Variants in MMP26 observed in about 807,000 individuals in gnomAD.
The protein encoded by MMP26 is matrix metalloproteinase-26.
MMP26 carries 33 observed loss-of-function variants against 31.0 expected under a neutral mutation model. That is an observed-to-expected ratio of 1.06 (90% CI 0.81 to 1.42). The LOEUF (loss-of-function observed/expected upper bound fraction) is 1.42. Among genes scored for constraint, MMP26 ranks in the 40% most tolerant of loss-of-function variants. The pLI, the probability that MMP26 is intolerant of heterozygous loss-of-function variation, is 0.00. For synonymous variants in MMP26, 122 were observed against 114.9 expected (o/e 1.06, Z -0.40); for missense variants, 347 against 316.1 (o/e 1.10, Z -0.74).
chr11:4,923,634 G>A (rs147041921), intron 2 of MMP26: 67 of 1,613,870 alleles, frequency 4.2e-5, no homozygotes, highest in Admixed American at 1.3e-4. Flanking sequence ...GCTCGGAGTC[G>A]CTCCTGGTGG....
At chr11:4,813,509 G>A (rs1238130302) in intron 2 of MMP26, among the ~76,000 whole-genome samples, 1 of 151,976 alleles carries the variant, frequency 6.6e-6, no homozygotes, top group Non-Finnish European at 1.5e-5. Flanking sequence ...TTACAGGCAG[G>A]AGCCACCACA....
chr11:4,859,818 G>A (rs1228330080), intron 2 of MMP26: 1 of 471,330 alleles, frequency 2.1e-6, no homozygotes, highest in African/African-American at 2.0e-5. Flanking sequence ...AGAGGAGCAC[G>A]GTAGACATGT....
chr11:4,870,083 G>A (rs2133525039), intron 2 of MMP26, among the ~76,000 whole-genome samples: 1 of 152,208 alleles, frequency 6.6e-6, no homozygotes, highest in African/African-American at 2.4e-5. Flanking sequence ...GGGATGGGGG[G>A]ATTGGGGAGG....
chr11:4,789,436 T>A lies in MMP26; in HGVS notation c.-145+22095T>A, dbSNP rs1589901088. ...TAGCAGGTTCCTGACTATATTCCCA[T>A]TTTTTTTTGACAGGAATAGAGCTAC... is the stretch of plus-strand genomic sequence containing the variant. On this transcript the variant is annotated intron_variant, in intron 2 of 7. Transcript: ENST00000380390. Among the ~76,000 whole-genome samples, 3 of 123,096 alleles carry A rather than the reference T, an allele frequency of 2.4e-5. No homozygotes were observed. In the South Asian group the frequency reaches 6.6e-4, roughly 27 times the overall value. The allele number at this position is 123,096 out of a possible 152,430, so 80.8% of individuals were successfully genotyped here.
intron 2 of MMP26, chr11:4,821,646 G>T (rs760034369): frequency 3.7e-6 from 6 of 1,613,880 alleles, no homozygotes; most frequent in Admixed American, 1.7e-5. Flanking sequence ...ACCTGAGCTT[G>T]TCCCTGTGTA....
At chr11:4,799,335 C>G (rs1849150431) in intron 2 of MMP26, among the ~76,000 whole-genome samples, 1 of 151,980 alleles carries the variant, frequency 6.6e-6, no homozygotes, top group South Asian at 2.1e-4. Flanking sequence ...AGAGCTGGCA[C>G]ATCACATGGT....
chr11:4,900,084 G>A (rs12416961), intron 2 of MMP26, among the ~76,000 whole-genome samples: 12,805 of 152,196 alleles, frequency 0.084, 673 homozygotes, highest in Non-Finnish European at 0.12. Flanking sequence ...TCTCTAAGGT[G>A]GAGACTCAAC....
intron 2 of MMP26, among the ~76,000 whole-genome samples, chr11:4,808,445 T>G (rs1341850110): frequency 6.6e-6 from 1 of 152,038 alleles, no homozygotes; most frequent in Non-Finnish European, 1.5e-5. Flanking sequence ...TAGCACAGTC[T>G]CCAGCTTGGC....
chr11:4,870,565 T>C (rs1850297335), intron 2 of MMP26, among the ~76,000 whole-genome samples: 1 of 152,034 alleles, frequency 6.6e-6, no homozygotes, highest in African/African-American at 2.4e-5. Flanking sequence ...AATAATGTGT[T>C]AATAGAAAAA....
intron 2 of MMP26, among the ~76,000 whole-genome samples, chr11:4,846,901 G>T (rs1485170880): frequency 6.6e-6 from 1 of 152,142 alleles, no homozygotes; most frequent in South Asian, 2.1e-4. Flanking sequence ...TACAGCATTT[G>T]TTATAATTCT....
chr11:4,739,255 G>T (rs2133290893), intron 1 of MMP26, among the ~76,000 whole-genome samples: 1 of 152,232 alleles, frequency 6.6e-6, no homozygotes, highest in Admixed American at 6.5e-5. Context: ...TCTTCATCAA[G>T]GTAAATAACA....
intron 1 of MMP26, among the ~76,000 whole-genome samples, chr11:4,747,025 C>A (rs1424443854): frequency 6.6e-6 from 1 of 152,098 alleles, no homozygotes; most frequent in Admixed American, 6.6e-5. Context: ...AACCAGACTG[C>A]CAAATCCCAG....
intron 2 of MMP26, among the ~76,000 whole-genome samples, chr11:4,790,257 C>T (rs763416693): frequency 1.4e-4 from 21 of 150,550 alleles, no homozygotes; most frequent in Non-Finnish European, 2.8e-4. Context: ...AGGAGAATCT[C>T]TTAAACCTGG....
At chr11:4,975,387 C>T (rs950532385) in intron 2 of MMP26, among the ~76,000 whole-genome samples, 1 of 151,912 alleles carries the variant, frequency 6.6e-6, no homozygotes, top group African/African-American at 2.4e-5. Context: ...GCCTGTTAGG[C>T]CTAGTGTCCT....
At chr11:4,719,785 G>A (rs988315488) in intron 1 of MMP26, among the ~76,000 whole-genome samples, 1 of 152,106 alleles carries the variant, frequency 6.6e-6, no homozygotes, top group African/African-American at 2.4e-5. Context: ...AAGAACATTT[G>A]TACATTTGAG....
intron 2 of MMP26, among the ~76,000 whole-genome samples, chr11:4,928,991 T>A (rs1335993148): frequency 2.0e-5 from 3 of 152,152 alleles, no homozygotes; most frequent in Non-Finnish European, 4.4e-5. Context: ...TATTTGACAA[T>A]GCTGGCCCTT....
chr11:4,968,339 A>G (rs909022921), intron 2 of MMP26, among the ~76,000 whole-genome samples: 26 of 152,082 alleles, frequency 1.7e-4, no homozygotes, highest in African/African-American at 6.0e-4. Flanking sequence ...AATAAACCAA[A>G]TTATTTTTTA....
intron 1 of MMP26, among the ~76,000 whole-genome samples, chr11:4,751,274 A>G (rs1461351016): frequency 6.6e-6 from 1 of 152,192 alleles, no homozygotes; most frequent in African/African-American, 2.4e-5. Context: ...CTTTTTATTT[A>G]GGAAATGTAC....
At chr11:4,723,140 GC>G in intron 1 of MMP26, 1 of 1,594,984 alleles carries the variant, frequency 6.3e-7, no homozygotes, top group Non-Finnish European at 8.6e-7. Flanking sequence ...CTTGGAGTTG[GC>G]ATCCTTAATG....
Sources: gnomAD v4.1 joint callset for allele counts (sites outside exome capture counted in the v4.1 genomes callset) on GRCh38, gnomAD v4.1.1 for gene constraint, MANE v1.5 for transcripts, NCBI Gene and HGNC (gene_info 2026-07-23, HGNC 2026-07-21) for gene names.